GABRG2: variants seen among roughly 807,000 people sequenced by gnomAD.
GABRG2 encodes the protein gamma-aminobutyric acid type A receptor subunit gamma2.
Under a neutral mutation model 56.4 loss-of-function variants are expected in GABRG2, and 16 were observed. The observed-to-expected ratio is 0.28, with a 90% confidence interval of 0.19 to 0.43. The LOEUF is 0.43. Among genes scored for constraint, GABRG2 ranks in the 20% least tolerant of loss-of-function variants. The pLI is 1.00. For synonymous variants in GABRG2, 208 were observed against 205.5 expected, an observed-to-expected ratio of 1.01 and a Z score of -0.10; for missense variants, 327 against 582.7, an observed-to-expected ratio of 0.56 and a Z score of 4.52.
chr5:162,070,539 A>T (rs554407822), intron 1 of GABRG2, among the ~76,000 whole-genome samples: 12 of 129,202 alleles, frequency 9.3e-5, no homozygotes, highest in Admixed American at 2.8e-4. Context: ...AAAGATAAAT[A>T]AAAAAAAAAT....
At chr5:162,142,560 T>C (rs935976613) in intron 7 of GABRG2, 3 of 401,442 alleles carry the variant, frequency 7.5e-6, no homozygotes, top group Admixed American at 3.5e-5. Flanking sequence ...CATGGAATAC[T>C]ATGCAGCCAT....
rs907154526 is a variant in GABRG2 at position 162,132,366 on chromosome 5, C to A, written c.770-9798C>A. On this transcript the variant is annotated intron_variant, in intron 6 of 9. Coordinates refer to ENST00000639213, the MANE Select transcript of GABRG2 (RefSeq NM_198904.4). ...TTTCAGGACAGACCTGTGGACCAGGCATTTTTCTGTTGAGAATTCTTTGTT... is the reference window on the plus strand; with the variant it reads ...TTTCAGGACAGACCTGTGGACCAGGAATTTTTCTGTTGAGAATTCTTTGTT... Among the ~76,000 whole-genome samples, 23 of 152,010 alleles carry A rather than the reference C, an allele frequency of 1.5e-4. 1 individual carries two copies. The highest frequency in any genetic ancestry group is 1.5e-3 in the Admixed American group (23 of 15,236).
At chr5:162,133,268 G>A (rs1763885499) in intron 6 of GABRG2, among the ~76,000 whole-genome samples, 1 of 152,068 alleles carries the variant, frequency 6.6e-6, no homozygotes, top group South Asian at 2.1e-4. Context: ...TTCGAAAGAT[G>A]ACAAAACACT....
At chr5:162,075,989 G>GA (rs111787104) in intron 1 of GABRG2, among the ~76,000 whole-genome samples, 17,094 of 141,922 alleles carry the variant, frequency 0.12, 1,215 homozygotes, top group East Asian at 0.22. Flanking sequence ...CCTATTTCAA[G>GA]AAAAAAAAAA....
At chr5:162,069,866 A>G (rs1173015542) in intron 1 of GABRG2, among the ~76,000 whole-genome samples, 1 of 152,186 alleles carries the variant, frequency 6.6e-6, no homozygotes, top group African/African-American at 2.4e-5. Context: ...GTTACTTACT[A>G]AAAGAAAATA....
At chr5:162,121,623 C>T (rs1487849345) in intron 6 of GABRG2, among the ~76,000 whole-genome samples, 1 of 152,012 alleles carries the variant, frequency 6.6e-6, no homozygotes, top group Admixed American at 6.6e-5. Context: ...GAAGGTTTCT[C>T]CTTTATAAGA....
intron 7 of GABRG2, chr5:162,142,623 A>G (rs1764660273): frequency 5.7e-6 from 2 of 352,542 alleles, no homozygotes; most frequent in Admixed American, 7.7e-5. Flanking sequence ...GCTGGAAACC[A>G]TCATTCTCAG....
At chr5:162,152,464 C>T (rs756617271) in intron 9 of GABRG2, 20 of 481,762 alleles carry the variant, frequency 4.2e-5, no homozygotes, top group African/African-American at 2.8e-4. Context: ...CTTCTTTTCT[C>T]AATTTCCATT....
chr5:162,140,228 C>T (rs142462276), intron 6 of GABRG2, among the ~76,000 whole-genome samples: 33 of 152,204 alleles, frequency 2.2e-4, no homozygotes, highest in African/African-American at 7.2e-4. Context: ...AACTGATGTC[C>T]CATTGGAAGC....
chr5:162,105,834 C>CACAT (rs1422962523), intron 6 of GABRG2, among the ~76,000 whole-genome samples: 2,403 of 151,640 alleles, frequency 0.016, 63 homozygotes, highest in African/African-American at 0.055. Context: ...CACACACACA[C>CACAT]ACACACACAC....
chr5:162,121,341 G>A (rs1418525820), intron 6 of GABRG2, among the ~76,000 whole-genome samples: 1 of 152,054 alleles, frequency 6.6e-6, no homozygotes, highest in African/African-American at 2.4e-5. Flanking sequence ...GTGCATATTA[G>A]AAAGAATGTT....
chr5:162,085,352 C>T (rs1759988470), intron 1 of GABRG2, among the ~76,000 whole-genome samples: 1 of 151,818 alleles, frequency 6.6e-6, no homozygotes, highest in Non-Finnish European at 1.5e-5. Flanking sequence ...GTAAATAATT[C>T]TACTGAAGTG....
At chr5:162,097,571 T>G in intron 3 of GABRG2, 67 bp from the exon 4 acceptor site, 2 of 1,191,816 alleles carry the variant, frequency 1.7e-6, no homozygotes, top group Non-Finnish European at 2.5e-6. Context: ...AGGAATGAAA[T>G]ATACCAATAT....
chr5:162,145,032 A>T (rs1455792309), intron 7 of GABRG2, among the ~76,000 whole-genome samples: 1 of 152,188 alleles, frequency 6.6e-6, no homozygotes, highest in East Asian at 1.9e-4. Flanking sequence ...TCTAGACTTC[A>T]TTGAGTCCCA....
chr5:162,103,575 C>T (rs899779509), intron 5 of GABRG2: 6 of 347,966 alleles, frequency 1.7e-5, no homozygotes, highest in African/African-American at 6.3e-5. Flanking sequence ...AGACTGGTCA[C>T]TTGGTATGCA....
At chr5:162,152,848 C>T in intron 9 of GABRG2, 1 of 597,758 alleles carries the variant, frequency 1.7e-6, no homozygotes, top group South Asian at 2.1e-5. Context: ...GGTGTTCAAT[C>T]TCCTTGCTAT....
At chr5:162,091,493 G>A (rs1299065456) in intron 1 of GABRG2, among the ~76,000 whole-genome samples, 1 of 151,996 alleles carries the variant, frequency 6.6e-6, no homozygotes, top group African/African-American at 2.4e-5. Flanking sequence ...ACTTATCAGG[G>A]TTAAATAACT....
intron 3 of GABRG2, 41 bp from the exon 4 acceptor site, chr5:162,097,597 T>TA (rs760240898): frequency 5.1e-6 from 7 of 1,372,874 alleles, no homozygotes; most frequent in Non-Finnish European, 7.3e-6. Flanking sequence ...AAGATAATCT[T>TA]ACTGTGTACA....
At chr5:162,145,790 G>A (rs1189695390) in intron 7 of GABRG2, among the ~76,000 whole-genome samples, 2 of 152,086 alleles carry the variant, frequency 1.3e-5, no homozygotes, top group Non-Finnish European at 2.9e-5. Context: ...CTTGTCGAGG[G>A]TCAAGTATAG....
Sources: allele counts gnomAD v4.1 joint callset (sites outside exome capture counted in the v4.1 genomes callset), GRCh38; gene constraint gnomAD v4.1.1; transcripts MANE v1.5; gene names NCBI Gene and HGNC (gene_info 2026-07-23, HGNC 2026-07-21).